The following SOX5 variants were observed in gnomAD, a reference collection of about 807,000 sequenced individuals.
SOX5 encodes the protein SRY-box transcription factor 5, also known as transcription factor SOX-5.
Under a neutral mutation model 92.0 loss-of-function variants are expected in SOX5, and 9 were observed. The observed-to-expected ratio is 0.10, with a 90% CI of 0.06 to 0.17. The LOEUF (loss-of-function observed/expected upper bound fraction) is 0.17, where lower values mean the gene tolerates loss of function less well. SOX5 is among the 10% of genes least tolerant of loss of function. SOX5 has a pLI of 1.00. For synonymous variants in SOX5, 344 were observed against 336.3 expected (o/e 1.02, Z -0.25); for missense variants, 642 against 944.5 (o/e 0.68, Z 4.20).
At chr12:24,133,768 G>C (rs1447375242) in intron 4 of SOX5, among the ~76,000 whole-genome samples, 1 of 152,152 alleles carries the variant, frequency 6.6e-6, no homozygotes, top group Non-Finnish European at 1.5e-5. Context: ...CTCTCGGGTA[G>C]TTCTAAAAAG....
chr12:23,716,291 GAAAAA>G (rs913498888), intron 6 of SOX5, among the ~76,000 whole-genome samples: 1 of 151,948 alleles, frequency 6.6e-6, no homozygotes, highest in Non-Finnish European at 1.5e-5. Context: ...CAGAGGAAAA[GAAAAA>G]AAGAGAACTT....
At chr12:23,745,178 A>C (rs2141061628) in intron 4 of SOX5, among the ~76,000 whole-genome samples, 1 of 152,324 alleles carries the variant, frequency 6.6e-6, no homozygotes, top group East Asian at 1.9e-4. Flanking sequence ...CCTTTTACGC[A>C]AATGATAACA....
At chr12:24,476,479 G>A (rs780682876) in intron 1 of SOX5, among the ~76,000 whole-genome samples, 7 of 152,270 alleles carry the variant, frequency 4.6e-5, no homozygotes, top group East Asian at 1.9e-4. Flanking sequence ...TCATTAAAGC[G>A]AAACTAAACA....
chr12:24,042,324 A>G (rs1956602327), intron 4 of SOX5, among the ~76,000 whole-genome samples: 1 of 152,160 alleles, frequency 6.6e-6, no homozygotes, highest in African/African-American at 2.4e-5. Flanking sequence ...CAAAGCAGTA[A>G]TAAAGAAGTT....
chr12:24,017,094 C>T (rs1442105592), intron 4 of SOX5, among the ~76,000 whole-genome samples: 2 of 152,192 alleles, frequency 1.3e-5, no homozygotes, highest in Non-Finnish European at 2.9e-5. Flanking sequence ...TGTCGAGCCA[C>T]TGGTGGCCCC....
chr12:23,838,907 T>C (rs2096475213), intron 3 of SOX5, among the ~76,000 whole-genome samples: 1 of 146,162 alleles, frequency 6.8e-6, no homozygotes, highest in African/African-American at 2.5e-5. Context: ...TGGCACCATC[T>C]TGGCTCACTG....
At position 23,531,691 on chromosome 12, in the gene SOX5, A is replaced by G. The variant is rs775340951; in HGVS notation, c.*2528T>C. ...TATCCAGAGTGCTTAAAAACAAAAC[A>G]AACAAAAACAAAAAAAAATTGGCTC... On this transcript the variant is annotated 3_prime_UTR_variant, in exon 15 of 15. Coordinates refer to ENST00000451604, the MANE Select transcript of SOX5 (RefSeq NM_006940.6). 2.6e-5 allele frequency: 4 copies of G among 152,142 alleles called. No individual in the cohort carries two copies. The highest frequency in any genetic ancestry group is 5.9e-5 in the Non-Finnish European group (4 of 68,040). 9.4% of individuals were successfully genotyped at this position (152,142 alleles called of 1,614,324 possible).
chr12:23,970,842 T>TATATATATA (rs1234524602), intron 4 of SOX5, among the ~76,000 whole-genome samples: 1 of 5,954 alleles, frequency 1.7e-4, no homozygotes, highest in African/African-American at 2.1e-4. Flanking sequence ...ATATATATAA[T>TATATATATA]TTTTTTTTTT....
chr12:24,521,257 G>A (rs1025364871), intron 1 of SOX5, among the ~76,000 whole-genome samples: 14 of 151,954 alleles, frequency 9.2e-5, no homozygotes, highest in Non-Finnish European at 1.5e-4. Flanking sequence ...GTTTCACCAT[G>A]TTGGCCAGGC....
intron 4 of SOX5, among the ~76,000 whole-genome samples, chr12:23,992,508 T>A (rs1188039888): frequency 6.6e-6 from 1 of 152,160 alleles, no homozygotes; most frequent in African/African-American, 2.4e-5. Context: ...ATAATAATGA[T>A]CACCAGATGT....
chr12:23,794,371 G>A (rs1210824456), intron 3 of SOX5, among the ~76,000 whole-genome samples: 2 of 152,088 alleles, frequency 1.3e-5, no homozygotes, highest in East Asian at 3.9e-4. Flanking sequence ...TAGAGTTGAT[G>A]TCAACATATT....
intron 3 of SOX5, among the ~76,000 whole-genome samples, chr12:23,787,596 G>C (rs2095403690): frequency 6.6e-6 from 1 of 151,830 alleles, no homozygotes; most frequent in African/African-American, 2.4e-5. Context: ...TTCCTTTCAA[G>C]TAACACCCAT....
intron 11 of SOX5, among the ~76,000 whole-genome samples, chr12:23,547,777 AT>A: frequency 6.6e-6 from 1 of 152,172 alleles, no homozygotes; most frequent in Non-Finnish European, 1.5e-5. Context: ...CTTTAGTTCT[AT>A]AGAATTAAAT....
At chr12:24,217,681 CA>C (rs1249582591) in intron 3 of SOX5, among the ~76,000 whole-genome samples, 1 of 152,118 alleles carries the variant, frequency 6.6e-6, no homozygotes, top group Non-Finnish European at 1.5e-5. Flanking sequence ...CTTCTAAGGA[CA>C]CTATCGAGAG....
intron 9 of SOX5, among the ~76,000 whole-genome samples, chr12:23,581,304 A>G (rs1347027631): frequency 6.6e-6 from 1 of 152,096 alleles, no homozygotes; most frequent in Non-Finnish European, 1.5e-5. Flanking sequence ...ACCCACATGT[A>G]GGTTGCTAGA....
intron 4 of SOX5, among the ~76,000 whole-genome samples, chr12:23,970,531 G>A (rs1331534323): frequency 6.6e-6 from 1 of 151,606 alleles, no homozygotes; most frequent in Non-Finnish European, 1.5e-5. Context: ...CATATTTCAT[G>A]TAAGTGTAGT....
rs1253261487 is a variant in SOX5, at chr12:24,393,030, ATGAGAGGCTTCAATCT to A, written c.-250-24407_-250-24392del. ...CTCTGTTATCAAAGAACAGCAGCAT[ATGAGAGGCTTCAATCT>A]TGAGTGTGTGGGGGCATAAGTATTT... On this transcript the variant is annotated intron_variant, in intron 1 of 4. Transcript: ENST00000446891. The surrounding 1 kb of genome is among the most constrained non-coding windows in gnomAD (Gnocchi z 5.0). 6.6e-6 allele frequency among the ~76,000 whole-genome samples: 1 copy of A among 152,168 alleles called. No individual in the cohort carries two copies. Among genetic ancestry groups the A allele is most frequent in the Admixed American group, 6.5e-5 (1 of 15,276 alleles).
chr12:24,307,511 A>T (rs867431656), intron 2 of SOX5, among the ~76,000 whole-genome samples: 1 of 27,786 alleles, frequency 3.6e-5, no homozygotes, highest in African/African-American at 7.5e-5. Flanking sequence ...GGAAGGAAGG[A>T]AGGAAGGCCG....
At chr12:24,524,231 G>A (rs1043360744) in intron 1 of SOX5, among the ~76,000 whole-genome samples, 17 of 152,124 alleles carry the variant, frequency 1.1e-4, no homozygotes, top group African/African-American at 3.4e-4. Context: ...TTTAAGACTC[G>A]GACTAAGCCA....
Sources: gnomAD v4.1 joint callset for allele counts (sites outside exome capture counted in the v4.1 genomes callset) on GRCh38, gnomAD v4.1.1 for gene constraint, Gnocchi (gnomAD v3.1) non-coding constraint, MANE v1.5 for transcripts, NCBI Gene and HGNC (gene_info 2026-07-23, HGNC 2026-07-21) for gene names.